Variants in GC observed in about 807,000 individuals in gnomAD.
GC encodes the protein vitamin D-binding protein.
In GC, 43 loss-of-function variants were observed where a neutral mutation model predicts 56.7. That is an observed-to-expected ratio of 0.76 (90% CI 0.59 to 0.98). GC has a LOEUF of 0.98. Ranked by LOEUF, GC falls within the 50% of genes least tolerant of loss-of-function variation. The pLI is 0.00. For synonymous variants in GC, 216 were observed against 202.7 expected, an observed-to-expected ratio of 1.07 and a Z score of -0.56; for missense variants, 529 against 545.9, an observed-to-expected ratio of 0.97 and a Z score of 0.31.
chr4:71,756,772 T>A lies in GC; in HGVS notation c.974A>T (p.Asp325Val), dbSNP rs756690105. The change falls in exon 8 of 13, where the codon GAT (aspartate) becomes GTT (valine). Residue 325 changes from aspartate (D) to valine (V), a missense_variant. Physicochemically the swap from Asp to Val is radical, Grantham distance 152. Coordinates refer to ENST00000273951, the MANE Select transcript of GC (RefSeq NM_000583.4). Reference protein sequence around the residue: ...MPAAQLPELPDVELPTNKDVC... With the variant: ...MPAAQLPELPVVELPTNKDVC... ...ATCTTTGTTTGTGGGCAACTCTACA[T>A]CTGGAAGCTCGGGGAGTTGGGCAGC... The A allele has an allele frequency of 1.2e-6, 2 of 1,613,904 alleles. No individual in the cohort carries two copies. The highest frequency in any genetic ancestry group is 3.3e-5 in the Admixed American group (2 of 59,976).
chr4:71,759,577 A>G (rs1375201198), intron 6 of GC: 2 of 152,230 alleles, frequency 1.3e-5, no homozygotes, highest in Non-Finnish European at 1.5e-5. Context: ...TTCTGAGATC[A>G]GACAAGATTG....
intron 1 of GC, among the ~76,000 whole-genome samples, chr4:71,798,982 G>A (rs951714319): frequency 1.3e-5 from 2 of 152,052 alleles, no homozygotes; most frequent in Non-Finnish European, 2.9e-5. Context: ...AATGGGTTTT[G>A]GTGTATTTGC....
At chr4:71,762,831 GC>G (rs1742026687) in intron 6 of GC, among the ~76,000 whole-genome samples, 2 of 152,166 alleles carry the variant, frequency 1.3e-5, no homozygotes, top group Admixed American at 1.3e-4. Context: ...GGCCTCCCCA[GC>G]CATGTGGAAC....
At chr4:71,745,608 G>A (rs917842490) in intron 12 of GC, among the ~76,000 whole-genome samples, 1 of 152,090 alleles carries the variant, frequency 6.6e-6, no homozygotes, top group Admixed American at 6.5e-5. Flanking sequence ...AGAGTTCGGC[G>A]GGGGTGCTCT....
At chr4:71,774,532 T>G (rs1407558045) in intron 1 of GC, among the ~76,000 whole-genome samples, 1 of 151,962 alleles carries the variant, frequency 6.6e-6, no homozygotes, top group African/African-American at 2.4e-5. Context: ...TCTTCCACTT[T>G]TGGGATGGGT....
At chr4:71,804,095 A>G (rs1165870024), upstream of GC, 3 of 672,104 alleles carry the variant, frequency 4.5e-6, no homozygotes, top group East Asian at 2.7e-5. Context: ...AGCTCCACCA[A>G]TAAGCTTAAT....
chr4:71,804,193 G>A (rs1205405157), upstream of GC, among the ~76,000 whole-genome samples: 3 of 152,204 alleles, frequency 2.0e-5, no homozygotes, highest in Non-Finnish European at 2.9e-5. Flanking sequence ...AAGCAGCTAG[G>A]AGATTGGCTG....
chr4:71,802,860 T>C (rs1743283424), intron 1 of GC, among the ~76,000 whole-genome samples: 1 of 152,182 alleles, frequency 6.6e-6, no homozygotes, highest in Non-Finnish European at 1.5e-5. Context: ...AAAGTGTGCT[T>C]TGGACTTAAT....
At chr4:71,761,605 T>C (rs1741976727) in intron 6 of GC, among the ~76,000 whole-genome samples, 1 of 152,170 alleles carries the variant, frequency 6.6e-6, no homozygotes, top group Non-Finnish European at 1.5e-5. Context: ...GCCCATCCCA[T>C]CACAGGCCTG....
intron 1 of GC, among the ~76,000 whole-genome samples, chr4:71,778,253 C>G (rs1371607042): frequency 6.6e-6 from 1 of 151,852 alleles, no homozygotes; most frequent in Non-Finnish European, 1.5e-5. Flanking sequence ...TATGTGATTT[C>G]ATTTATAGAG....
intron 1 of GC, among the ~76,000 whole-genome samples, chr4:71,793,804 G>C (rs534874417): frequency 6.6e-6 from 1 of 152,224 alleles, no homozygotes; most frequent in African/African-American, 2.4e-5. Flanking sequence ...GTGATAAATA[G>C]CTCTTATTAT....
chr4:71,756,633 T>TC (rs1440396681), intron 8 of GC, 79 bp downstream of exon 8: 63 of 856,518 alleles, frequency 7.4e-5, no homozygotes, highest in Non-Finnish European at 1.2e-4. Flanking sequence ...TAGCATACCT[T>TC]CCCTCCATCT....
At chr4:71,748,550 G>C (rs2298850) in intron 11 of GC, among the ~76,000 whole-genome samples, 30,898 of 152,020 alleles carry the variant, frequency 0.2, 3,748 homozygotes, top group South Asian at 0.28. Flanking sequence ...TCTCAGAAGA[G>C]CCCAAAGGGA....
chr4:71,742,201 G>A (rs557236582), intron 12 of GC, among the ~76,000 whole-genome samples: 25 of 152,050 alleles, frequency 1.6e-4, no homozygotes, highest in Non-Finnish European at 3.2e-4. Flanking sequence ...TATGGCCAAG[G>A]CAAAACTGTC....
Position 71,780,537 on chromosome 4 carries a change from G to GA in GC, c.58+3423dup, listed in dbSNP as rs201788452. 5.6e-3 allele frequency among the ~76,000 whole-genome samples: 849 copies of GA among 151,698 alleles called. 8 individuals are homozygous for GA. The highest frequency in any genetic ancestry group is 0.019 in the African/African-American group (805 of 41,370). On this transcript the variant is annotated intron_variant, in intron 1 of 12. Coordinates refer to ENST00000273951, the MANE Select transcript of GC (RefSeq NM_000583.4). ...ACAAAGAACTTAAACAAATTTATAA[G>GA]AAAAAAACAAACAACCCCATCAAAA...
chr4:71,787,592 G>C (rs1056354241), upstream of GC, among the ~76,000 whole-genome samples: 27 of 151,982 alleles, frequency 1.8e-4, no homozygotes, highest in African/African-American at 6.3e-4. Context: ...AAGACAAAAT[G>C]ACAAGTGTGC....
At chr4:71,752,415 G>A in intron 11 of GC, 103 bp downstream of exon 11, 1 of 895,388 alleles carries the variant, frequency 1.1e-6, no homozygotes, top group Non-Finnish European at 1.7e-6. Flanking sequence ...GGAAAAGCCT[G>A]TCACATAATG....
At chr4:71,793,602 C>T (rs1165284281) in intron 1 of GC, among the ~76,000 whole-genome samples, 4 of 152,154 alleles carry the variant, frequency 2.6e-5, no homozygotes, top group Admixed American at 6.5e-5. Context: ...CATCTGCAAA[C>T]AGGGACAATT....
chr4:71,752,869 G>T (rs977915627), intron 10 of GC, among the ~76,000 whole-genome samples: 4 of 151,880 alleles, frequency 2.6e-5, no homozygotes, highest in Non-Finnish European at 5.9e-5. Context: ...CATACAAATC[G>T]CTGCTGAATT....
Sources: allele counts gnomAD v4.1 joint callset (sites outside exome capture counted in the v4.1 genomes callset), GRCh38; gene constraint gnomAD v4.1.1; transcripts MANE v1.5; gene names NCBI Gene and HGNC (gene_info 2026-07-23, HGNC 2026-07-21).